Variants in TNKS observed in about 807,000 individuals in gnomAD.
TNKS encodes the protein poly [ADP-ribose] polymerase tankyrase-1.
In TNKS, 72 loss-of-function variants were observed where a neutral mutation model predicts 135.8. The observed-to-expected ratio is 0.53, with a 90% confidence interval of 0.44 to 0.64. TNKS has a LOEUF of 0.64. TNKS is among the 30% of genes least tolerant of loss of function. TNKS has a pLI of 0.00. For synonymous variants in TNKS, 849 were observed against 649.3 expected (o/e 1.31, Z -4.68); for missense variants, 1,769 against 1,674.0 (o/e 1.06, Z -0.99).
intron 18 of TNKS, among the ~76,000 whole-genome samples, chr8:9,749,228 C>T (rs1168935746): frequency 6.6e-6 from 1 of 152,164 alleles, no homozygotes; most frequent in Admixed American, 6.6e-5. Flanking sequence ...CACAGTCTTC[C>T]CTGTGAATAC....
At position 9,776,984 on chromosome 8, in the gene TNKS, G is replaced by T; in HGVS notation, c.*248G>T. 1 of 455,806 alleles carries T rather than the reference G, an allele frequency of 2.2e-6. No homozygotes were observed. The highest frequency in any genetic ancestry group is 3.9e-6 in the Non-Finnish European group (1 of 255,114). The allele number at this position is 455,806 out of a possible 1,614,324, so 28.2% of individuals were successfully genotyped here. ...AACATATCTCAGGCTCATTTTCATT[G>T]CAATTATCCATTTCTAAAACAAGAT... On this transcript the variant is annotated 3_prime_UTR_variant, in exon 27 of 27. Transcript: ENST00000310430.
intron 2 of TNKS, among the ~76,000 whole-genome samples, chr8:9,585,264 A>G (rs556369424): frequency 2.0e-5 from 3 of 152,336 alleles, no homozygotes; most frequent in Non-Finnish European, 1.5e-5. Flanking sequence ...ATGTTGAAAC[A>G]TGGAAATCAT....
At chr8:9,734,111 A>C (rs967263875) in intron 15 of TNKS, among the ~76,000 whole-genome samples, 1 of 152,166 alleles carries the variant, frequency 6.6e-6, no homozygotes, top group Admixed American at 6.5e-5. Flanking sequence ...TATGATATCA[A>C]ATACATTCTT....
chr8:9,755,826 G>T (rs1806805122), intron 20 of TNKS, among the ~76,000 whole-genome samples: 1 of 152,024 alleles, frequency 6.6e-6, no homozygotes, highest in South Asian at 2.1e-4. Flanking sequence ...TTTTATTTCT[G>T]GTCCCAGAAG....
intron 3 of TNKS, among the ~76,000 whole-genome samples, chr8:9,653,284 C>G (rs76961521): frequency 0.012 from 1,815 of 152,202 alleles, 33 homozygotes; most frequent in African/African-American, 0.04. Flanking sequence ...ACTTCAGGGT[C>G]TGCTGGATCT....
intron 2 of TNKS, among the ~76,000 whole-genome samples, chr8:9,600,717 T>G (rs1798985120): frequency 6.6e-6 from 1 of 152,132 alleles, no homozygotes. Flanking sequence ...TGGGGTGAAA[T>G]TAATTTGTTC....
chr8:9,771,089 T>C (rs957349664), intron 26 of TNKS, among the ~76,000 whole-genome samples: 10 of 151,236 alleles, frequency 6.6e-5, no homozygotes, highest in Admixed American at 6.6e-4. Context: ...AGTAGTAATA[T>C]AAGCATGTGT....
chr8:9,677,809 A>T (rs1247882382), intron 3 of TNKS, among the ~76,000 whole-genome samples: 2 of 152,102 alleles, frequency 1.3e-5, no homozygotes, highest in Non-Finnish European at 2.9e-5. Context: ...GTCCATACCC[A>T]TTCCCCTGTG....
chr8:9,606,322 C>G (rs1002223985), intron 2 of TNKS, among the ~76,000 whole-genome samples: 5 of 151,494 alleles, frequency 3.3e-5, no homozygotes, highest in Non-Finnish European at 7.4e-5. Flanking sequence ...GTTTACATAC[C>G]CAAGTCTGAA....
intron 1 of TNKS, among the ~76,000 whole-genome samples, chr8:9,577,264 A>G (rs187041467): frequency 8.7e-4 from 133 of 152,282 alleles, no homozygotes; most frequent in African/African-American, 3.1e-3. Flanking sequence ...ACTTTGAGGC[A>G]TTTATCTTAA....
At chr8:9,590,919 C>T (rs1222453328) in intron 2 of TNKS, among the ~76,000 whole-genome samples, 1 of 152,184 alleles carries the variant, frequency 6.6e-6, no homozygotes, top group East Asian at 1.9e-4. Flanking sequence ...TAATGGTTAA[C>T]ATTAAAAAGT....
intron 3 of TNKS, among the ~76,000 whole-genome samples, chr8:9,632,625 T>C (rs547528971): frequency 1.3e-5 from 2 of 152,248 alleles, no homozygotes; most frequent in Non-Finnish European, 2.9e-5. Flanking sequence ...TCACCTCTAC[T>C]TAGCTGTCAC....
intron 2 of TNKS, among the ~76,000 whole-genome samples, chr8:9,594,138 C>T (rs1364370369): frequency 6.6e-6 from 1 of 152,154 alleles, no homozygotes; most frequent in East Asian, 1.9e-4. Flanking sequence ...CCACCTGCCT[C>T]GGCCTCCCAA....
intron 3 of TNKS, among the ~76,000 whole-genome samples, chr8:9,643,361 A>G (rs1336456343): frequency 1.4e-5 from 2 of 145,976 alleles, no homozygotes; most frequent in Non-Finnish European, 3.0e-5. Flanking sequence ...GGTGGAAGGC[A>G]GAAGAGCAGG....
chr8:9,771,172 G>A (rs1370600948), intron 26 of TNKS, among the ~76,000 whole-genome samples: 2 of 149,716 alleles, frequency 1.3e-5, no homozygotes, highest in African/African-American at 2.5e-5. Flanking sequence ...AAGGAAAGGA[G>A]GGAGAGAAGA....
intron 25 of TNKS, among the ~76,000 whole-genome samples, chr8:9,768,370 G>C (rs374422041): frequency 6.6e-6 from 1 of 152,240 alleles, no homozygotes; most frequent in South Asian, 2.1e-4. Flanking sequence ...CGGAGAGGCT[G>C]TATCAACTAC....
chr8:9,620,973 A>G (rs575516962), intron 3 of TNKS, among the ~76,000 whole-genome samples: 1 of 152,334 alleles, frequency 6.6e-6, no homozygotes, highest in Admixed American at 6.5e-5. Flanking sequence ...AAATATGTCT[A>G]AGGTCCGATT....
rs1807726284 is a variant in TNKS, at chr8:9,770,013, T to C, written c.3741-93T>C. 8 of 1,133,620 alleles carry C rather than the reference T, an allele frequency of 7.1e-6. No individual in the cohort carries two copies. The Admixed American group carries it at 2.1e-4, about 30-fold the overall frequency. 70.2% of individuals were successfully genotyped at this position (1,133,620 alleles called of 1,614,324 possible). On this transcript the variant is annotated intron_variant, in intron 25 of 26. Transcript: ENST00000310430. ...ATGACATTTAAATTAGCTTGCCTTA[T>C]GTTAAATTTTTAAAAAATTAATAGA...
At chr8:9,642,354 T>C (rs1800760946) in intron 3 of TNKS, among the ~76,000 whole-genome samples, 1 of 146,722 alleles carries the variant, frequency 6.8e-6, no homozygotes, top group Non-Finnish European at 1.5e-5. Context: ...CTTAAATATA[T>C]GACTGTTTTT....
Sources: gnomAD v4.1 joint callset for allele counts (sites outside exome capture counted in the v4.1 genomes callset) on GRCh38, gnomAD v4.1.1 for gene constraint, MANE v1.5 for transcripts, NCBI Gene and HGNC (gene_info 2026-07-23, HGNC 2026-07-21) for gene names.